DERA: variants seen among roughly 807,000 people sequenced by gnomAD.
DERA encodes deoxyribose-phosphate aldolase.
In DERA, 15 loss-of-function variants were observed where a neutral mutation model predicts 41.1. The observed-to-expected ratio is 0.37, with a 90% CI of 0.24 to 0.56. The LOEUF (loss-of-function observed/expected upper bound fraction) is 0.56, where lower values mean the gene tolerates loss of function less well. Ranked by LOEUF, DERA falls within the 20% of genes least tolerant of loss-of-function variation. The pLI, the probability that DERA is intolerant of heterozygous loss-of-function variation, is 0.81. For missense variants in DERA, 396 were observed against 403.4 expected (o/e 0.98, Z 0.16); for synonymous variants, 139 against 137.4 (o/e 1.01, Z -0.08).
intron 1 of DERA, among the ~76,000 whole-genome samples, chr12:15,950,998 G>C (rs1213349437): frequency 6.6e-6 from 1 of 152,208 alleles, no homozygotes; most frequent in Non-Finnish European, 1.5e-5. Context: ...TCCCTTGTCT[G>C]TCTTGTATCT....
chr12:15,972,925 A>C lies in DERA; in HGVS notation c.509-9383A>C, dbSNP rs1948673044. 6.6e-6 allele frequency among the ~76,000 whole-genome samples: 1 copy of C among 152,194 alleles called. No individual in the cohort carries two copies. The highest frequency in any genetic ancestry group is 2.4e-5 in the African/African-American group (1 of 41,448). On this transcript the variant is annotated intron_variant, in intron 5 of 8. Transcript: ENST00000428559. The surrounding 1 kb of genome is among the most constrained non-coding windows in gnomAD (Gnocchi z 4.4). ...TTGCAGAAGGTAGGGCCAGTTGTCAACCTGATTTGGATGCTGTTTCAAACA... is the reference window on the plus strand; with the variant it reads ...TTGCAGAAGGTAGGGCCAGTTGTCACCCTGATTTGGATGCTGTTTCAAACA...
intron 1 of DERA, among the ~76,000 whole-genome samples, chr12:15,944,666 C>T (rs1338942530): frequency 2.0e-5 from 3 of 152,076 alleles, no homozygotes; most frequent in African/African-American, 7.2e-5. Flanking sequence ...AAATTTTCTC[C>T]CATTCTGTAG....
intron 6 of DERA, among the ~76,000 whole-genome samples, chr12:16,023,280 A>G (rs1362027592): frequency 6.6e-6 from 1 of 152,144 alleles, no homozygotes; most frequent in African/African-American, 2.4e-5. Context: ...GGAGATAAAA[A>G]CAAGAATACT....
Position 15,935,443 on chromosome 12 carries a change from T to C in DERA, c.32-21493T>C, listed in dbSNP as rs1948357782. On this transcript the variant is annotated intron_variant, in intron 1 of 8. Transcript: ENST00000428559. This position sits in a 1 kb window ranked among gnomAD's most constrained non-coding sequence, Gnocchi z 4.8. Reference sequence around the variant, plus strand: ...TGGAAGTTGCAGTGAGCAATGATTATGCCACTGCACTCCAGCCTGGGCAAC... The same window carrying C: ...TGGAAGTTGCAGTGAGCAATGATTACGCCACTGCACTCCAGCCTGGGCAAC... Among the ~76,000 whole-genome samples the C allele has an allele frequency of 6.6e-6, 1 of 152,132 alleles. No homozygotes were observed.
At position 15,992,526 on chromosome 12, in the gene DERA, G is replaced by A. The variant is rs972019579; in HGVS notation, c.637+10090G>A. Among the ~76,000 whole-genome samples, 1 of 152,144 alleles carries A rather than the reference G, an allele frequency of 6.6e-6. No individual in the cohort carries two copies. Among genetic ancestry groups the A allele is most frequent in the African/African-American group, 2.4e-5 (1 of 41,434 alleles). On this transcript the variant is annotated intron_variant, in intron 6 of 8. Transcript: ENST00000428559. This position sits in a 1 kb window ranked among gnomAD's most constrained non-coding sequence, Gnocchi z 4.3. Reference sequence around the variant, plus strand: ...GGTTGAAGAAAAATTGATCTTCCATGTACATTAGTGGAAATGTGGTAAGGG... The same window carrying A: ...GGTTGAAGAAAAATTGATCTTCCATATACATTAGTGGAAATGTGGTAAGGG...
chr12:15,920,341 C>G (rs1334053916), intron 1 of DERA, among the ~76,000 whole-genome samples: 2 of 152,152 alleles, frequency 1.3e-5, no homozygotes, highest in African/African-American at 4.8e-5. Flanking sequence ...GAAGTTAAGC[C>G]TGTAGTCACA....
intron 4 of DERA, among the ~76,000 whole-genome samples, chr12:15,960,315 G>C (rs763868715): frequency 2.7e-5 from 4 of 150,188 alleles, no homozygotes; most frequent in Non-Finnish European, 5.9e-5. Context: ...TGCATGTTCT[G>C]TTATACATAT....
chr12:16,027,257 A>T (rs1949059468), intron 6 of DERA, among the ~76,000 whole-genome samples: 1 of 152,202 alleles, frequency 6.6e-6, no homozygotes. Flanking sequence ...CTCTCTTACC[A>T]CTGCTATTCA....
rs1346908728 is a variant in DERA, at chr12:15,957,859, G to A, written c.130-329G>A. The stretch of plus-strand genomic sequence containing the variant: ...TCTTTCGGAGTTCTTCTTTGTCAGG[G>A]TGGCTCTGATGGGCTCTCCCTTTGG... On this transcript the variant is annotated intron_variant, in intron 2 of 8. Coordinates refer to ENST00000428559, the MANE Select transcript of DERA (RefSeq NM_015954.4). The surrounding 1 kb of genome is among the most constrained non-coding windows in gnomAD (Gnocchi z 4.8). Among the ~76,000 whole-genome samples, 1 of 152,166 alleles carries A rather than the reference G, an allele frequency of 6.6e-6. No homozygotes were observed. Among genetic ancestry groups the A allele is most frequent in the East Asian group, 1.9e-4 (1 of 5,192 alleles).
rs909433086 is a variant in DERA, at chr12:15,957,480, C to T, written c.129+447C>T. ...CTATTACTTTCTATAAATCATTTTTCAAAATTCCAAAAATGATGTTTCGTA... is the reference window on the plus strand; with the variant it reads ...CTATTACTTTCTATAAATCATTTTTTAAAATTCCAAAAATGATGTTTCGTA... On this transcript the variant is annotated intron_variant, in intron 2 of 8. Coordinates refer to ENST00000428559, the MANE Select transcript of DERA (RefSeq NM_015954.4). This position sits in a 1 kb window ranked among gnomAD's most constrained non-coding sequence, Gnocchi z 4.8. Among the ~76,000 whole-genome samples the T allele has an allele frequency of 4.6e-5, 7 of 152,064 alleles. No individual in the cohort carries two copies. Among genetic ancestry groups the T allele is most frequent in the African/African-American group, 1.7e-4 (7 of 41,406 alleles).
chr12:15,978,502 G>A (rs1352641740), intron 5 of DERA, among the ~76,000 whole-genome samples: 1 of 152,160 alleles, frequency 6.6e-6, no homozygotes, highest in South Asian at 2.1e-4. Context: ...ACAAAAATAT[G>A]TGAGCAAACT....
At chr12:15,955,245 G>A (rs1948529101) in intron 1 of DERA, among the ~76,000 whole-genome samples, 1 of 151,658 alleles carries the variant, frequency 6.6e-6, no homozygotes, top group Non-Finnish European at 1.5e-5. Context: ...GTTGCAGTGA[G>A]CCAAGATCGT....
rs546415894 is a variant in DERA, at chr12:16,033,345, T to C, written c.750+691T>C. 4.6e-5 allele frequency among the ~76,000 whole-genome samples: 7 copies of C among 152,336 alleles called. No homozygotes were observed. In the South Asian group the frequency reaches 1.4e-3, roughly 32 times the overall value. ...GAATTAAATATCAATTTTTGCGTTT[T>C]ATGGAAGTTGGATGTGCTCTTTGGA... On this transcript the variant is annotated intron_variant, in intron 7 of 8. Transcript: ENST00000428559.
intron 6 of DERA, among the ~76,000 whole-genome samples, chr12:15,991,665 CAA>C (rs1166069630): frequency 6.6e-6 from 1 of 152,044 alleles, no homozygotes; most frequent in Non-Finnish European, 1.5e-5. Flanking sequence ...CATAATAGCT[CAA>C]GTTTTTTGAG....
At chr12:15,929,914 A>G (rs1419418411) in intron 1 of DERA, among the ~76,000 whole-genome samples, 1 of 152,184 alleles carries the variant, frequency 6.6e-6, no homozygotes, top group Non-Finnish European at 1.5e-5. Flanking sequence ...TTAGTATTTA[A>G]TTACCTGTAG....
chr12:16,000,906 T>A lies in DERA; in HGVS notation c.637+18470T>A, dbSNP rs1293387366. ...TAACTTAGACAATTAAAAAGCAGGT[T>A]TTGTTCTGCCTTTTTCTGCATTCTT... On this transcript the variant is annotated intron_variant, in intron 6 of 8. Coordinates refer to ENST00000428559, the MANE Select transcript of DERA (RefSeq NM_015954.4). The surrounding 1 kb of genome is among the most constrained non-coding windows in gnomAD (Gnocchi z 4.8). Among the ~76,000 whole-genome samples the A allele has an allele frequency of 1.3e-5, 2 of 152,218 alleles. No homozygotes were observed. Among genetic ancestry groups the A allele is most frequent in the Non-Finnish European group, 2.9e-5 (2 of 68,036 alleles).
intron 3 of DERA, among the ~76,000 whole-genome samples, chr12:15,958,561 A>T (rs1948559285): frequency 6.7e-6 from 1 of 148,264 alleles, no homozygotes; most frequent in Non-Finnish European, 1.5e-5. Context: ...TCAATGGATT[A>T]AAATGCTTGG....
chr12:16,015,211 A>G (rs1282180038), intron 6 of DERA, among the ~76,000 whole-genome samples: 1 of 152,194 alleles, frequency 6.6e-6, no homozygotes, highest in African/African-American at 2.4e-5. Flanking sequence ...TGTGAGAGGG[A>G]CATGAGACTT....
In DERA at chr12:15,925,429, A is replaced by T. The variant is rs187435751; in HGVS notation, c.31+14015A>T. ...AATAACTAGAACATAAAAAAGGCCT[A>T]CCTATCTGTAAACTTTGGAGAACGA... On this transcript the variant is annotated intron_variant, in intron 1 of 8. Transcript: ENST00000428559. Among the ~76,000 whole-genome samples the T allele has an allele frequency of 7.1e-3, 1,079 of 152,206 alleles. 13 individuals carry two copies. Among genetic ancestry groups the T allele is most frequent in the African/African-American group, 0.024 (1,014 of 41,526 alleles).
Sources: allele counts gnomAD v4.1 joint callset (sites outside exome capture counted in the v4.1 genomes callset), GRCh38; gene constraint gnomAD v4.1.1; non-coding constraint Gnocchi (gnomAD v3.1); transcripts MANE v1.5; gene names NCBI Gene and HGNC (gene_info 2026-07-23, HGNC 2026-07-21).